The following THSD7A variants were observed in gnomAD, a reference collection of about 807,000 sequenced individuals.
The protein encoded by THSD7A is thrombospondin type-1 domain-containing protein 7A.
THSD7A carries 96 observed loss-of-function variants against 231.3 expected under a neutral mutation model. The observed-to-expected ratio is 0.41, with a 90% confidence interval of 0.35 to 0.49. The LOEUF is 0.49. Ranked by LOEUF, THSD7A falls within the 20% of genes least tolerant of loss-of-function variation. The pLI is 0.05. For missense variants in THSD7A, 2,290 were observed against 2,070.2 expected, an observed-to-expected ratio of 1.11 and a Z score of -2.06; for synonymous variants, 940 against 743.3, an observed-to-expected ratio of 1.26 and a Z score of -4.30.
chr7:11,373,370 T>C lies in THSD7A; in HGVS notation c.*2424A>G, dbSNP rs1236027366. The C allele has an allele frequency of 6.6e-6, 1 of 152,074 alleles. No individual in the cohort carries two copies. The highest frequency in any genetic ancestry group is 6.6e-5 in the Admixed American group (1 of 15,238). The allele number at this position is 152,074 out of a possible 1,614,324, so 9.4% of individuals were successfully genotyped here. A position where few individuals can be genotyped will look rare whatever the true frequency, so the allele number is the denominator to read the frequency against. On this transcript the variant is annotated 3_prime_UTR_variant, in exon 28 of 28. Coordinates refer to ENST00000423059, the MANE Select transcript of THSD7A (RefSeq NM_015204.3). ...TTAACTATTTTGGACAAATGGAGTT[T>C]ATTTTATTCAAAGAGATCAACTTTA...
chr7:11,678,745 T>A (rs1258827790), intron 1 of THSD7A, among the ~76,000 whole-genome samples: 1 of 152,094 alleles, frequency 6.6e-6, no homozygotes, highest in African/African-American at 2.4e-5. Context: ...CAAGACAGAT[T>A]CACAGCCGAA....
At chr7:11,539,512 G>A (rs771837936) in intron 6 of THSD7A, among the ~76,000 whole-genome samples, 6 of 152,140 alleles carry the variant, frequency 3.9e-5, no homozygotes, top group Admixed American at 6.5e-5. Context: ...TGTATTGTGA[G>A]TTATCAATTT....
chr7:11,525,130 G>A (rs1788418170), intron 6 of THSD7A, among the ~76,000 whole-genome samples: 1 of 152,114 alleles, frequency 6.6e-6, no homozygotes. Context: ...TATCAAATTA[G>A]AATAAGAAGA....
chr7:11,589,298 G>A (rs963103562), intron 4 of THSD7A, among the ~76,000 whole-genome samples: 4 of 151,556 alleles, frequency 2.6e-5, no homozygotes, highest in African/African-American at 7.3e-5. Context: ...AATACAACAC[G>A]CCCATCTTTA....
intron 4 of THSD7A, among the ~76,000 whole-genome samples, chr7:11,560,350 T>C (rs573538533): frequency 6.6e-6 from 1 of 152,284 alleles, no homozygotes; most frequent in African/African-American, 2.4e-5. Flanking sequence ...CTCACACCTA[T>C]GACATGGTTC....
At chr7:11,790,579 T>C (rs1313161253) in intron 1 of THSD7A, among the ~76,000 whole-genome samples, 3 of 151,958 alleles carry the variant, frequency 2.0e-5, no homozygotes, top group African/African-American at 7.2e-5. Flanking sequence ...AGATGAGATG[T>C]TTTTCTATTT....
At chr7:11,575,469 TC>T (rs1310110247) in intron 4 of THSD7A, among the ~76,000 whole-genome samples, 1 of 152,198 alleles carries the variant, frequency 6.6e-6, no homozygotes, top group Non-Finnish European at 1.5e-5. Flanking sequence ...CAAGATTATG[TC>T]CTGTCAAGCC....
chr7:11,734,132 T>A (rs1781828830), intron 1 of THSD7A, among the ~76,000 whole-genome samples: 1 of 151,932 alleles, frequency 6.6e-6, no homozygotes, highest in Non-Finnish European at 1.5e-5. Context: ...TCCAAGGAAA[T>A]TCAACTATAA....
chr7:11,591,433 A>C (rs1416954484), intron 3 of THSD7A, among the ~76,000 whole-genome samples: 1 of 152,182 alleles, frequency 6.6e-6, no homozygotes, highest in Non-Finnish European at 1.5e-5. Context: ...AAAAGCACAA[A>C]GAACATGACT....
rs1466241621 is a variant in THSD7A at position 11,636,972 on chromosome 7, T to C, written c.191-11A>G. On this transcript the variant is annotated splice_polypyrimidine_tract_variant and intron_variant, in intron 1 of 27. Coordinates refer to ENST00000423059, the MANE Select transcript of THSD7A (RefSeq NM_015204.3). This position sits in a 1 kb window ranked among gnomAD's most constrained non-coding sequence, Gnocchi z 10.0. ...ATCGGCCCCATGGACCTACAAAAAT[T>C]ATAACACAAAAATTAGCAGTGCTAC... 2.5e-6 allele frequency: 4 copies of C among 1,588,680 alleles called. No individual in the cohort carries two copies. The highest frequency in any genetic ancestry group is 3.4e-6 in the Non-Finnish European group (4 of 1,170,412).
chr7:11,502,162 A>C (rs73070830), intron 6 of THSD7A, among the ~76,000 whole-genome samples: 18,804 of 152,132 alleles, frequency 0.12, 1,359 homozygotes, highest in Middle Eastern at 0.17. Flanking sequence ...ACAACAACAA[A>C]AAAGCCCAGG....
At chr7:11,642,384 G>C (rs1206824266) in intron 1 of THSD7A, among the ~76,000 whole-genome samples, 2 of 152,086 alleles carry the variant, frequency 1.3e-5, no homozygotes, top group Admixed American at 1.3e-4. Context: ...ATAAAGGACA[G>C]GCAGCTTTCC....
chr7:11,495,306 A>G (rs1056499261), intron 6 of THSD7A, among the ~76,000 whole-genome samples: 5 of 152,228 alleles, frequency 3.3e-5, no homozygotes, highest in South Asian at 2.1e-4. Context: ...CTCAGAACAA[A>G]TGCAGTAAGT....
chr7:11,582,413 A>C (rs916684989), intron 4 of THSD7A, among the ~76,000 whole-genome samples: 26 of 152,044 alleles, frequency 1.7e-4, no homozygotes, highest in African/African-American at 6.3e-4. Context: ...TACTCTCCTT[A>C]TTGTTTCCTA....
chr7:11,541,857 G>C (rs1237262871), intron 5 of THSD7A, among the ~76,000 whole-genome samples: 1 of 152,126 alleles, frequency 6.6e-6, no homozygotes, highest in African/African-American at 2.4e-5. Context: ...AGAACCTTTG[G>C]TTTTAGCTTA....
intron 2 of THSD7A, among the ~76,000 whole-genome samples, chr7:11,603,475 C>T (rs1780623520): frequency 6.6e-6 from 1 of 151,958 alleles, no homozygotes; most frequent in South Asian, 2.1e-4. Flanking sequence ...TGTGGCGATT[C>T]CTCAGGGATC....
intron 1 of THSD7A, among the ~76,000 whole-genome samples, chr7:11,728,709 C>T (rs1277020541): frequency 6.6e-6 from 1 of 151,586 alleles, no homozygotes; most frequent in Non-Finnish European, 1.5e-5. Context: ...CCTAATATTC[C>T]CTGAAAATAT....
At chr7:11,681,890 A>G (rs769471493) in intron 1 of THSD7A, among the ~76,000 whole-genome samples, 2 of 152,066 alleles carry the variant, frequency 1.3e-5, no homozygotes, top group Non-Finnish European at 2.9e-5. Context: ...AGGGCATCAC[A>G]TCAGAACAAC....
chr7:11,423,849 G>A (rs1466570506), intron 16 of THSD7A, among the ~76,000 whole-genome samples: 1 of 152,152 alleles, frequency 6.6e-6, no homozygotes, highest in East Asian at 1.9e-4. Context: ...GAGTTCTAGA[G>A]CCCTTAAGGA....
Sources: allele counts gnomAD v4.1 joint callset (sites outside exome capture counted in the v4.1 genomes callset), GRCh38; gene constraint gnomAD v4.1.1; non-coding constraint Gnocchi (gnomAD v3.1); transcripts MANE v1.5; gene names NCBI Gene and HGNC (gene_info 2026-07-23, HGNC 2026-07-21).